The following CHD2 variants were observed in gnomAD, a reference collection of about 807,000 sequenced individuals.
The protein encoded by CHD2 is chromodomain helicase DNA binding protein 2.
Under a neutral mutation model 243.9 loss-of-function variants are expected in CHD2, and 28 were observed. The ratio of observed to expected loss-of-function variants is 0.11; its 90% CI spans 0.09 to 0.16. The LOEUF (loss-of-function observed/expected upper bound fraction) is 0.16, where lower values mean the gene tolerates loss of function less well. Among genes scored for constraint, CHD2 ranks in the 10% least tolerant of loss-of-function variants. The probability of loss-of-function intolerance (pLI) is 1.00; values close to 1 mark genes in which losing one functional copy is unlikely to be tolerated. For synonymous variants in CHD2, 775 were observed against 779.0 expected, an observed-to-expected ratio of 0.99 and a Z score of 0.09; for missense variants, 1,386 against 2,209.8, an observed-to-expected ratio of 0.63 and a Z score of 7.47.
chr15:93,007,454 T>TA, intron 34 of CHD2, among the ~76,000 whole-genome samples: 1 of 152,330 alleles, frequency 6.6e-6, no homozygotes, highest in Middle Eastern at 3.4e-3. Context: ...AGGTGTCTTT[T>TA]AGTTTTTGGT....
At position 92,948,998 on chromosome 15, in the gene CHD2, C is replaced by T. The variant is rs1427394370; in HGVS notation, c.1424C>T (p.Ala475Val). 2 of 1,613,990 alleles carry T rather than the reference C, an allele frequency of 1.2e-6. No homozygotes were observed. The highest frequency in any genetic ancestry group is 1.1e-5 in the South Asian group (1 of 91,034). The change falls in exon 13 of 39, where the codon GCA becomes GTA. Residue 475 changes from alanine (A) to valine (V), a missense_variant. By Grantham distance (64) the Ala-to-Val change is moderately conservative (BLOSUM62 0). This residue lies in a region of CHD2 where 14 missense variants were observed against 26.8 expected (regional missense o/e 0.52). Coordinates refer to ENST00000394196, the MANE Select transcript of CHD2 (RefSeq NM_001271.4). ...PRFVALKKQP[A>V]YLGGENLELR... ...TTTGTAGCTTTAAAGAAACAACCTG[C>T]ATATTTAGGAGGGGAGAATCTGGAA...
intron 16 of CHD2, among the ~76,000 whole-genome samples, chr15:92,963,085 T>G (rs117129454): frequency 0.018 from 2,682 of 152,346 alleles, 31 homozygotes; most frequent in Non-Finnish European, 0.022. Context: ...AAAATGTGTC[T>G]TATAGACAAC....
At chr15:92,958,887 G>T (rs1215516675) in intron 16 of CHD2, among the ~76,000 whole-genome samples, 6 of 152,162 alleles carry the variant, frequency 3.9e-5, no homozygotes, top group African/African-American at 1.2e-4. Flanking sequence ...TTCAGGGTAG[G>T]CTACGGTGTG....
chr15:92,988,340 C>T (rs1162381553), intron 26 of CHD2, among the ~76,000 whole-genome samples: 1 of 152,176 alleles, frequency 6.6e-6, no homozygotes, highest in East Asian at 1.9e-4. Flanking sequence ...GTGCCTCGGC[C>T]TCCCAAAGGG....
Position 92,996,974 on chromosome 15 carries a change from A to C in CHD2, c.3613A>C (p.Arg1205=), listed in dbSNP as rs1567157517. The change falls in exon 29 of 39, where the codon AGG becomes CGG. Residue 1205 remains arginine (R), a synonymous_variant. Transcript: ENST00000394196. ...TTTTTCAGGAAAAGGACCAGGGAAA[A>C]GGAGAGGTCCAACAATCAAGATATC... ...NASEGKGPGK[R]RGPTIKISGV... The C allele has an allele frequency of 1.9e-6, 3 of 1,606,420 alleles. No individual in the cohort carries two copies. The highest frequency in any genetic ancestry group is 2.5e-6 in the Non-Finnish European group (3 of 1,178,090).
chr15:92,992,104 C>T (rs981113772), intron 27 of CHD2, among the ~76,000 whole-genome samples: 13 of 152,162 alleles, frequency 8.5e-5, no homozygotes, highest in Non-Finnish European at 1.8e-4. Context: ...ATCTAAAAAG[C>T]CCTAATTTAA....
Position 92,958,728 on chromosome 15 carries a change from A to G in CHD2, c.2000+2079A>G, listed in dbSNP as rs562646207. Among the ~76,000 whole-genome samples, 3 of 152,360 alleles carry G rather than the reference A, an allele frequency of 2.0e-5. No homozygotes were observed. In the South Asian group the frequency reaches 6.2e-4, roughly 32 times the overall value. On this transcript the variant is annotated intron_variant, in intron 16 of 38. Transcript: ENST00000394196. ...TGAAAGCAATACACTTTCAGTAGAA[A>G]GTATACTTTGAATGAACACAACCAT...
chr15:92,909,676 C>T (rs2052691887), intron 2 of CHD2, among the ~76,000 whole-genome samples: 1 of 152,036 alleles, frequency 6.6e-6, no homozygotes, highest in South Asian at 2.1e-4. Flanking sequence ...GGAGCTGGGA[C>T]CACAGGTGTG....
chr15:92,985,094 T>TA (rs2141851450), intron 25 of CHD2, among the ~76,000 whole-genome samples: 1 of 152,304 alleles, frequency 6.6e-6, no homozygotes, highest in African/African-American at 2.4e-5. Flanking sequence ...ATTGAGCCCT[T>TA]ACAATGTGCT....
intron 36 of CHD2, among the ~76,000 whole-genome samples, chr15:93,013,960 A>G (rs895970665): frequency 6.7e-6 from 1 of 148,592 alleles, no homozygotes; most frequent in African/African-American, 2.5e-5. Flanking sequence ...AAAAAAATAC[A>G]GAAAACAAAA....
chr15:93,013,971 A>C (rs1345937666), intron 36 of CHD2, among the ~76,000 whole-genome samples: 1 of 151,340 alleles, frequency 6.6e-6, no homozygotes, highest in East Asian at 1.9e-4. Context: ...GAAAACAAAA[A>C]CATTCAGTAG....
chr15:92,979,885 T>C (rs1348807468), intron 22 of CHD2, among the ~76,000 whole-genome samples: 1 of 151,650 alleles, frequency 6.6e-6, no homozygotes, highest in Non-Finnish European at 1.5e-5. Context: ...GCCACTGCAG[T>C]CCAGCCTGGG....
intron 17 of CHD2, among the ~76,000 whole-genome samples, chr15:92,968,112 T>A (rs12595673): frequency 0.078 from 10,013 of 128,154 alleles, 471 homozygotes; most frequent in South Asian, 0.15. Flanking sequence ...CTTAAGTATA[T>A]TTTAATCAAT....
chr15:92,929,893 G>A (rs1172635384), intron 5 of CHD2, among the ~76,000 whole-genome samples: 2 of 151,808 alleles, frequency 1.3e-5, no homozygotes, highest in African/African-American at 4.8e-5. Flanking sequence ...CAAGTCATTT[G>A]AGATTTTAAA....
intron 26 of CHD2, among the ~76,000 whole-genome samples, chr15:92,988,098 T>C (rs1389699972): frequency 6.6e-6 from 1 of 152,142 alleles, no homozygotes; most frequent in Admixed American, 6.5e-5. Context: ...TTTTTTTCTT[T>C]TGAGACGGAG....
chr15:92,926,578 TA>T (rs2053065749), intron 3 of CHD2, among the ~76,000 whole-genome samples: 1 of 152,240 alleles, frequency 6.6e-6, no homozygotes, highest in Non-Finnish European at 1.5e-5. Flanking sequence ...TTAAACTTTT[TA>T]AATCACTGGT....
chr15:92,970,272 G>C (rs1003890593), intron 17 of CHD2, among the ~76,000 whole-genome samples: 1 of 152,026 alleles, frequency 6.6e-6, no homozygotes, highest in Non-Finnish European at 1.5e-5. Context: ...TGTGATCTCA[G>C]CTCACCTCAA....
chr15:92,907,995 C>G (rs1231425466), intron 2 of CHD2, among the ~76,000 whole-genome samples: 1 of 146,434 alleles, frequency 6.8e-6, no homozygotes, highest in Admixed American at 7.0e-5. Flanking sequence ...AGTTCATCCT[C>G]TCTTAGAATT....
chr15:92,937,519 GA>G lies in CHD2; in HGVS notation c.450del (p.Lys150AsnfsTer26). On this transcript the variant is annotated frameshift_variant and splice_region_variant, in exon 6 of 39. Coordinates refer to ENST00000394196, the MANE Select transcript of CHD2 (RefSeq NM_001271.4). LOFTEE classifies it high-confidence loss of function. ...ACTTTGTTTTGCTTTTGATCACAGAGAAAAATGGAAACAGGAACCCTCAGAA... is the reference window on the plus strand; with the variant it reads ...ACTTTGTTTTGCTTTTGATCACAGAGAAAATGGAAACAGGAACCCTCAGAA... ...RRGQRQLKKQ[E>X]KWKQEPSEDE... 2 of 1,601,560 alleles carry G rather than the reference GA, an allele frequency of 1.2e-6. No individual in the cohort carries two copies. The highest frequency in any genetic ancestry group is 1.1e-5 in the South Asian group (1 of 88,700).
Sources: allele counts gnomAD v4.1 joint callset (sites outside exome capture counted in the v4.1 genomes callset), GRCh38; gene constraint gnomAD v4.1.1; regional missense constraint gnomAD v4.1.1; transcripts MANE v1.5; gene names NCBI Gene and HGNC (gene_info 2026-07-23, HGNC 2026-07-21).